The following BDP1 variants were observed in gnomAD, a reference collection of about 807,000 sequenced individuals.
BDP1 encodes the protein transcription factor TFIIIB component B'' homolog.
Under a neutral mutation model 266.6 loss-of-function variants are expected in BDP1, and 169 were observed. That is an observed-to-expected ratio of 0.63 (90% CI 0.56 to 0.72). BDP1 has a LOEUF of 0.72. BDP1 is among the 30% of genes least tolerant of loss of function. The pLI is 0.00. For synonymous variants in BDP1, 1,090 were observed against 1,022.4 expected (o/e 1.07, Z -1.26); for missense variants, 3,015 against 3,053.8 (o/e 0.99, Z 0.30).
At chr5:71,523,613 C>T (rs1414396514) in intron 24 of BDP1, among the ~76,000 whole-genome samples, 3 of 152,106 alleles carry the variant, frequency 2.0e-5, no homozygotes, top group Admixed American at 6.5e-5. Flanking sequence ...TGCGCCCAGC[C>T]GGTTCTGTGT....
Position 71,553,184 on chromosome 5 carries a change from C to T in BDP1, c.7064C>T (p.Ser2355Phe), listed in dbSNP as rs758551085. Reference sequence around the variant, plus strand: ...TTATCTATTTCTGGAAGAGATAATTCTAAAAAGCCGCCTGATAATTTGGAT... The same window carrying T: ...TTATCTATTTCTGGAAGAGATAATTTTAAAAAGCCGCCTGATAATTTGGAT... ...MGLSISGRDN[S>F]KKPPDNLDLV... Residue 2355 changes from serine (S) to phenylalanine (F), a missense_variant, in exon 35 of 39, where the codon TCT (serine) becomes TTT (phenylalanine). Transcript: ENST00000358731. The T allele has an allele frequency of 1.9e-6, 3 of 1,613,146 alleles. No individual in the cohort carries two copies. Among genetic ancestry groups the T allele is most frequent in the Non-Finnish European group, 2.5e-6 (3 of 1,179,920 alleles).
chr5:71,465,770 A>G (rs1295860042), intron 4 of BDP1, among the ~76,000 whole-genome samples: 1 of 152,114 alleles, frequency 6.6e-6, no homozygotes, highest in Non-Finnish European at 1.5e-5. Flanking sequence ...AATCCCAGCT[A>G]CTGGGGAGGC....
At position 71,510,850 on chromosome 5, in the gene BDP1, AT is replaced by A; in HGVS notation, c.3761del (p.Leu1254Ter). Reference sequence around the variant, plus strand: ...AGTGCTATAAGGGAAAAGGAGATTGATTTGAAAGAAACTGGAAAAAGAGACA... The same window carrying A: ...AGTGCTATAAGGGAAAAGGAGATTGATTGAAAGAAACTGGAAAAAGAGACA... ...EFSAIREKEI[D>X]LKETGKRDIP... On this transcript the variant is annotated frameshift_variant, in exon 17 of 39. Coordinates refer to ENST00000358731, the MANE Select transcript of BDP1 (RefSeq NM_018429.3). LOFTEE classifies it high-confidence loss of function. 1 of 1,613,314 alleles carries A rather than the reference AT, an allele frequency of 6.2e-7. No individual in the cohort carries two copies. Among genetic ancestry groups the A allele is most frequent in the Non-Finnish European group, 8.5e-7 (1 of 1,179,650 alleles).
At chr5:71,551,687 C>T (rs996458208) in intron 34 of BDP1, among the ~76,000 whole-genome samples, 13 of 151,216 alleles carry the variant, frequency 8.6e-5, no homozygotes, top group South Asian at 4.2e-4. Context: ...CAGGGGCGGC[C>T]GGGCAGAGGC....
chr5:71,512,159 ATTT>A, intron 17 of BDP1, 79 bp from the exon 18 acceptor site: 1 of 668,992 alleles, frequency 1.5e-6, no homozygotes, highest in Non-Finnish European at 2.3e-6. Flanking sequence ...AGTGTTTAGA[ATTT>A]AGTAGACTTT....
At chr5:71,496,586 C>T (rs775053739) in intron 12 of BDP1, among the ~76,000 whole-genome samples, 11 of 152,022 alleles carry the variant, frequency 7.2e-5, no homozygotes, top group African/African-American at 1.2e-4. Flanking sequence ...TATAGGTGCT[C>T]GCCACCACAT....
At chr5:71,479,768 G>A (rs552015097) in intron 7 of BDP1, among the ~76,000 whole-genome samples, 32 of 151,734 alleles carry the variant, frequency 2.1e-4, no homozygotes, top group Non-Finnish European at 4.4e-4. Flanking sequence ...GGATGGTCTC[G>A]ATCTCCTGAC....
intron 26 of BDP1, among the ~76,000 whole-genome samples, chr5:71,533,321 ACT>A (rs972575871): frequency 1.3e-5 from 2 of 152,020 alleles, no homozygotes; most frequent in African/African-American, 2.4e-5. Context: ...TCATATGGTA[ACT>A]CTATGTTTCA....
intron 38 of BDP1, 149 bp downstream of exon 38, chr5:71,562,669 A>G (rs943857972): frequency 6.7e-7 from 1 of 1,485,486 alleles, no homozygotes; most frequent in Non-Finnish European, 9.1e-7. Context: ...GTGTTCCTCC[A>G]TAATGGAAGA....
At chr5:71,530,412 T>A (rs149872225) in intron 25 of BDP1, among the ~76,000 whole-genome samples, 283 of 152,044 alleles carry the variant, frequency 1.9e-3, no homozygotes, top group South Asian at 6.7e-3. Context: ...ATTTTTTTTT[T>A]ATTTTATTTT....
intron 13 of BDP1, among the ~76,000 whole-genome samples, chr5:71,499,645 C>T (rs953359274): frequency 2.6e-5 from 4 of 151,966 alleles, no homozygotes; most frequent in Admixed American, 6.6e-5. Flanking sequence ...TAAAAAAAAA[C>T]CCTTTTCCTC....
intron 15 of BDP1, 39 bp downstream of exon 15, chr5:71,502,830 A>G: frequency 6.6e-7 from 1 of 1,520,098 alleles, no homozygotes. Context: ...TTGGTAAGCA[A>G]GTACATGAGC....
At chr5:71,466,515 A>G (rs1009597037) in intron 5 of BDP1, among the ~76,000 whole-genome samples, 3 of 152,208 alleles carry the variant, frequency 2.0e-5, no homozygotes, top group Non-Finnish European at 4.4e-5. Context: ...GCTGTCTTCC[A>G]CTGAGGATAA....
In BDP1 at chr5:71,474,856, A is replaced by G. The variant is rs903337142; in HGVS notation, c.1014+4367A>G. 1.3e-4 allele frequency among the ~76,000 whole-genome samples: 16 copies of G among 123,680 alleles called. 1 individual carries two copies. Among genetic ancestry groups the G allele is most frequent in the African/African-American group, 4.2e-4 (15 of 35,708 alleles). 81.1% of individuals were successfully genotyped at this position (123,680 alleles called of 152,430 possible). On this transcript the variant is annotated intron_variant, in intron 7 of 38. Coordinates refer to ENST00000358731, the MANE Select transcript of BDP1 (RefSeq NM_018429.3). ...AGCAAGACTCTGTCTGAAAAAAAAA[A>G]AAATATATGATCCACCCTCCTTGGC...
downstream of BDP1, among the ~76,000 whole-genome samples, chr5:71,571,684 G>T (rs1363302934): frequency 6.6e-6 from 1 of 151,906 alleles, no homozygotes; most frequent in Non-Finnish European, 1.5e-5. Context: ...GCCCAGGCTG[G>T]AGGCAATGGC....
rs753595776 is a variant in BDP1 at position 71,502,732 on chromosome 5, C to G, written c.2182C>G (p.Gln728Glu). ...AAERKEILIS[Q>E]EEIGANVEKN... ...TGAAAGAAAAGAAATTCTCATATCA[C>G]AGGAAGAAATTGGGGCCAATGTAGA... The change falls in exon 15 of 39, where the codon CAG (glutamine) becomes GAG (glutamate). Residue 728 changes from glutamine to glutamate, a missense_variant. Gln to Glu is a conservative substitution (Grantham distance 29). Transcript: ENST00000358731. The G allele has an allele frequency of 4.4e-5, 71 of 1,613,830 alleles. No individual in the cohort carries two copies. The Admixed American group carries it at 5.8e-4, about 13-fold the overall frequency.
At chr5:71,532,085 G>A (rs1015032574) in intron 25 of BDP1, among the ~76,000 whole-genome samples, 1 of 152,138 alleles carries the variant, frequency 6.6e-6, no homozygotes, top group African/African-American at 2.4e-5. Flanking sequence ...TTTGCTTACT[G>A]GTTTTAATAG....
intron 31 of BDP1, 132 bp from the exon 32 acceptor site, chr5:71,544,907 G>C: frequency 7.9e-6 from 2 of 254,116 alleles, no homozygotes; most frequent in African/African-American, 3.7e-5. Context: ...AAAAAAAAAA[G>C]TCCTATTGCA....
At chr5:71,464,297 C>T (rs1300608481) in intron 4 of BDP1, among the ~76,000 whole-genome samples, 180 bp downstream of exon 4, 1 of 151,980 alleles carries the variant, frequency 6.6e-6, no homozygotes, top group Non-Finnish European at 1.5e-5. Flanking sequence ...GGAGTTGAGA[C>T]CAGCCTGGGC....
Sources: gnomAD v4.1 joint callset for allele counts (sites outside exome capture counted in the v4.1 genomes callset) on GRCh38, gnomAD v4.1.1 for gene constraint, MANE v1.5 for transcripts, NCBI Gene and HGNC (gene_info 2026-07-23, HGNC 2026-07-21) for gene names.